CDH4: variants seen among roughly 807,000 people sequenced by gnomAD.
The protein encoded by CDH4 is cadherin-4.
In CDH4, 33 loss-of-function variants were observed where a neutral mutation model predicts 86.0. The ratio of observed to expected loss-of-function variants is 0.38; its 90% CI spans 0.29 to 0.51. The LOEUF (loss-of-function observed/expected upper bound fraction) is 0.51. Ranked by LOEUF, CDH4 falls within the 20% of genes least tolerant of loss-of-function variation. CDH4 has a pLI of 0.86. For missense variants in CDH4, 1,114 were observed against 1,307.4 expected (o/e 0.85, Z 2.28); for synonymous variants, 555 against 549.4 (o/e 1.01, Z -0.14).
chr20:61,294,748 C>G (rs1203607916), intron 2 of CDH4, among the ~76,000 whole-genome samples: 2 of 152,240 alleles, frequency 1.3e-5, no homozygotes, highest in South Asian at 4.1e-4. Flanking sequence ...AAGCTGAGCC[C>G]CTGACAACAG....
At chr20:61,572,823 C>CGA (rs1568692401) in intron 2 of CDH4, among the ~76,000 whole-genome samples, 21 of 133,686 alleles carry the variant, frequency 1.6e-4, no homozygotes, top group African/African-American at 5.9e-4. Flanking sequence ...TTTCAGAACA[C>CGA]TATGGATGGA....
At chr20:61,894,781 C>G in intron 7 of CDH4, 129 bp from the exon 8 acceptor site, 1 of 1,009,918 alleles carries the variant, frequency 9.9e-7, no homozygotes, top group Non-Finnish European at 1.4e-6. Flanking sequence ...GCCCAGCACA[C>G]AGCCCCCAGT....
At chr20:61,737,565 A>T (rs928560673) in intron 2 of CDH4, among the ~76,000 whole-genome samples, 2 of 152,184 alleles carry the variant, frequency 1.3e-5, no homozygotes, top group Admixed American at 6.5e-5. Flanking sequence ...CCCTGGCCTC[A>T]GCCTGTGCGG....
In CDH4 at chr20:61,366,766, A is replaced by G. The variant is rs2084812604; in HGVS notation, c.169+111829A>G. 2.0e-5 allele frequency among the ~76,000 whole-genome samples: 3 copies of G among 152,196 alleles called. No homozygotes were observed. In the South Asian group the frequency reaches 6.2e-4, roughly 32 times the overall value. ...TTGCCCTCATTCTGGTAAACCCACA[A>G]CCTTCCAGCATGGGCGTTATGGCTG... On this transcript the variant is annotated intron_variant, in intron 2 of 15. Transcript: ENST00000614565.
At chr20:61,397,555 G>A (rs1007298803) in intron 2 of CDH4, among the ~76,000 whole-genome samples, 1 of 152,040 alleles carries the variant, frequency 6.6e-6, no homozygotes, top group African/African-American at 2.4e-5. Context: ...ACTGGAGGTA[G>A]CCCCATATCG....
intron 2 of CDH4, among the ~76,000 whole-genome samples, chr20:61,602,930 C>T (rs1358240156): frequency 6.6e-6 from 1 of 152,362 alleles, no homozygotes; most frequent in South Asian, 2.1e-4. Flanking sequence ...CTTAGAGATG[C>T]AGCACCTGAG....
intron 4 of CDH4, among the ~76,000 whole-genome samples, chr20:61,791,793 G>A (rs1979215359): frequency 6.6e-6 from 1 of 152,136 alleles, no homozygotes; most frequent in South Asian, 2.1e-4. Context: ...CTGTGCACAG[G>A]TCAGGCAGAG....
chr20:61,786,902 G>A (rs1392376978), intron 4 of CDH4, among the ~76,000 whole-genome samples: 3 of 152,216 alleles, frequency 2.0e-5, no homozygotes, highest in Non-Finnish European at 4.4e-5. Flanking sequence ...CAGGGCCACT[G>A]TAGAGTGCAG....
chr20:61,806,019 C>T (rs1980106532), intron 4 of CDH4, among the ~76,000 whole-genome samples: 2 of 152,204 alleles, frequency 1.3e-5, no homozygotes, highest in African/African-American at 4.8e-5. Flanking sequence ...GGCAGGAAAC[C>T]TCGCCTGGGG....
intron 2 of CDH4, among the ~76,000 whole-genome samples, chr20:61,583,641 C>G (rs1268909976): frequency 6.6e-6 from 1 of 152,198 alleles, no homozygotes; most frequent in African/African-American, 2.4e-5. Context: ...CTGGCCTGAT[C>G]TCTCTCCACT....
intron 2 of CDH4, among the ~76,000 whole-genome samples, chr20:61,695,861 G>T (rs528453676): frequency 6.6e-6 from 1 of 152,054 alleles, no homozygotes; most frequent in Non-Finnish European, 1.5e-5. Context: ...TGACTTGGCC[G>T]CCACACTGAG....
chr20:61,867,928 T>C (rs1316709206), intron 6 of CDH4, among the ~76,000 whole-genome samples: 4 of 152,186 alleles, frequency 2.6e-5, no homozygotes, highest in Non-Finnish European at 5.9e-5. Flanking sequence ...ACGTCCAGGC[T>C]CTTCTCTGTG....
At chr20:61,430,279 G>C (rs920930189) in intron 2 of CDH4, among the ~76,000 whole-genome samples, 1 of 152,222 alleles carries the variant, frequency 6.6e-6, no homozygotes, top group Non-Finnish European at 1.5e-5. Context: ...GCCCTGCAGA[G>C]TGGGTGTGCG....
rs189601413 is a variant in CDH4 at position 61,806,167 on chromosome 20, C to T, written c.576+32985C>T. On this transcript the variant is annotated intron_variant, in intron 4 of 15. Coordinates refer to ENST00000614565, the MANE Select transcript of CDH4 (RefSeq NM_001794.5). ...CAACAGCCTATTCTGTAGGACAGTG[C>T]GGCAGTGACCTCTTAGTAGCCAAAA... Among the ~76,000 whole-genome samples, 6 of 152,342 alleles carry T rather than the reference C, an allele frequency of 3.9e-5. No individual in the cohort carries two copies. The East Asian group carries it at 5.8e-4, about 15-fold the overall frequency.
intron 2 of CDH4, among the ~76,000 whole-genome samples, chr20:61,434,447 T>C (rs528826563): frequency 1.3e-5 from 2 of 152,234 alleles, no homozygotes; most frequent in South Asian, 4.2e-4. Context: ...ATTTATGAGA[T>C]AGATTGCACG....
Position 61,829,629 on chromosome 20 carries a change from G to A in CDH4, c.577-15039G>A, listed in dbSNP as rs139150804. Among the ~76,000 whole-genome samples, 2,010 of 152,280 alleles carry A rather than the reference G, an allele frequency of 0.013. 15 individuals carry two copies. Among genetic ancestry groups the A allele is most frequent in the Middle Eastern group, 0.02 (6 of 294 alleles). On this transcript the variant is annotated intron_variant, in intron 4 of 15. Transcript: ENST00000614565. The surrounding 1 kb of genome is among the most constrained non-coding windows in gnomAD (Gnocchi z 4.2). ...GTTGAGGAAGCCCTGGCGAGTGGGG[G>A]CTCCTCTGCCAAGCATTAAATACGG...
At chr20:61,539,508 A>T (rs1006643151) in intron 2 of CDH4, among the ~76,000 whole-genome samples, 1 of 151,984 alleles carries the variant, frequency 6.6e-6, no homozygotes, top group Non-Finnish European at 1.5e-5. Context: ...TCCTCCTCTT[A>T]TAAGGACGCC....
chr20:61,845,971 G>A (rs376844988), intron 5 of CDH4, among the ~76,000 whole-genome samples: 2 of 152,342 alleles, frequency 1.3e-5, no homozygotes, highest in East Asian at 3.9e-4. Flanking sequence ...GCTTTTCCAC[G>A]CCAGATCTCA....
In CDH4 at chr20:61,676,544, A is replaced by T. The variant is rs535908473; in HGVS notation, c.170-67019A>T. On this transcript the variant is annotated intron_variant, in intron 2 of 15. Transcript: ENST00000614565. This position sits in a 1 kb window ranked among gnomAD's most constrained non-coding sequence, Gnocchi z 4.5. ...GTGAGAAAACTCCTTGTCTGCAGGGATGGGTCTGCTTGGAGACCCCGGGTC... is the reference window on the plus strand; with the variant it reads ...GTGAGAAAACTCCTTGTCTGCAGGGTTGGGTCTGCTTGGAGACCCCGGGTC... Among the ~76,000 whole-genome samples, 1 of 152,006 alleles carries T rather than the reference A, an allele frequency of 6.6e-6. No homozygotes were observed. Among genetic ancestry groups the T allele is most frequent in the Non-Finnish European group, 1.5e-5 (1 of 67,990 alleles).
Sources: gnomAD v4.1 joint callset for allele counts (sites outside exome capture counted in the v4.1 genomes callset) on GRCh38, gnomAD v4.1.1 for gene constraint, Gnocchi (gnomAD v3.1) non-coding constraint, MANE v1.5 for transcripts, NCBI Gene and HGNC (gene_info 2026-07-23, HGNC 2026-07-21) for gene names.